Variants in CSGALNACT1 observed in about 807,000 individuals in gnomAD.
CSGALNACT1 encodes the protein beta4GalNAcT-1.
In CSGALNACT1, 52 loss-of-function variants were observed where a neutral mutation model predicts 51.0. The ratio of observed to expected loss-of-function variants is 1.02; its 90% CI spans 0.82 to 1.29. The LOEUF is 1.29. CSGALNACT1 is among the 50% of genes most tolerant of loss of function. The pLI is 0.00. For missense variants in CSGALNACT1, 935 were observed against 679.2 expected (o/e 1.38, Z -4.19); for synonymous variants, 341 against 254.4 (o/e 1.34, Z -3.24).
intron 1 of CSGALNACT1, among the ~76,000 whole-genome samples, chr8:19,636,036 G>A (rs548654774): frequency 6.6e-6 from 1 of 152,238 alleles, no homozygotes. Context: ...ATTTTTCAAA[G>A]GCTTCACACA....
intron 3 of CSGALNACT1, among the ~76,000 whole-genome samples, chr8:19,580,596 C>A (rs1415661042): frequency 2.0e-5 from 3 of 152,104 alleles, no homozygotes; most frequent in Non-Finnish European, 4.4e-5. Context: ...AGAACAGCAT[C>A]CAGAGAGCCT....
rs1564383580 is a variant in CSGALNACT1, at chr8:19,666,829, G to GAA, written c.-544+15643_-544+15644insTT. On this transcript the variant is annotated intron_variant, in intron 1 of 9. Coordinates refer to the CSGALNACT1 transcript ENST00000332246. The stretch of plus-strand genomic sequence containing the variant: ...AAAGAAAGAGAGAGAGAGAGAGAGA[G>GAA]AGAGAAAGAAAGAAAGAAAGAAAGA... Among the ~76,000 whole-genome samples the GAA allele has an allele frequency of 5.3e-3, 186 of 34,894 alleles. 7 individuals are homozygous for GAA. The highest frequency in any genetic ancestry group is 7.6e-3 in the Non-Finnish European group (131 of 17,220). The allele number at this position is 34,894 out of a possible 152,430, so 22.9% of individuals were successfully genotyped here.
chr8:19,600,196 C>T (rs951213485), intron 2 of CSGALNACT1, among the ~76,000 whole-genome samples: 2 of 152,136 alleles, frequency 1.3e-5, no homozygotes, highest in Admixed American at 1.3e-4. Context: ...GATTCTTCTG[C>T]CTCATCTTCC....
At chr8:19,567,843 T>C (rs1461470298) in intron 3 of CSGALNACT1, among the ~76,000 whole-genome samples, 1 of 152,166 alleles carries the variant, frequency 6.6e-6, no homozygotes, top group Non-Finnish European at 1.5e-5. Context: ...TCTATTTTAA[T>C]ATAAGCACAA....
chr8:19,653,257 C>T (rs1269880082), intron 1 of CSGALNACT1, among the ~76,000 whole-genome samples: 1 of 152,146 alleles, frequency 6.6e-6, no homozygotes, highest in Admixed American at 6.5e-5. Context: ...CTCAGTTCTC[C>T]TATCCTTCTA....
At chr8:19,553,620 C>CATATATATATATATATATATAT (rs769189103) in intron 3 of CSGALNACT1, among the ~76,000 whole-genome samples, 14 of 71,558 alleles carry the variant, frequency 2.0e-4, no homozygotes, top group African/African-American at 9.2e-4. Context: ...TATATAAATA[C>CATATATATATATATATATATAT]ATATATATAT....
At chr8:19,533,468 C>T (rs989616452) in intron 3 of CSGALNACT1, among the ~76,000 whole-genome samples, 2 of 152,088 alleles carry the variant, frequency 1.3e-5, no homozygotes, top group Non-Finnish European at 2.9e-5. Flanking sequence ...TTAATTTATG[C>T]TTTTCCAAAT....
At chr8:19,682,592 C>T (rs2060702735), upstream of CSGALNACT1, 2 of 453,782 alleles carry the variant, frequency 4.4e-6, no homozygotes, top group Admixed American at 4.7e-5. Flanking sequence ...AGAGCACTCA[C>T]TGATGTACAC....
chr8:19,739,242 C>G (rs1370525978), intron 1 of CSGALNACT1, among the ~76,000 whole-genome samples: 2 of 151,512 alleles, frequency 1.3e-5, no homozygotes, highest in Non-Finnish European at 2.9e-5. Context: ...TTTTAAGTCA[C>G]AAAAAATAAT....
chr8:19,540,804 T>C (rs1484787915), intron 3 of CSGALNACT1, among the ~76,000 whole-genome samples: 1 of 152,192 alleles, frequency 6.6e-6, no homozygotes, highest in African/African-American at 2.4e-5. Flanking sequence ...CACCGGATCA[T>C]CTTTCTCCCT....
chr8:19,485,933 A>C (rs1361956424), intron 4 of CSGALNACT1, among the ~76,000 whole-genome samples: 3 of 151,052 alleles, frequency 2.0e-5, no homozygotes, highest in Non-Finnish European at 4.4e-5. Context: ...CATCTGGCTA[A>C]TTTTGTATTT....
chr8:19,474,998 G>T (rs1202163740), intron 4 of CSGALNACT1, among the ~76,000 whole-genome samples: 1 of 151,820 alleles, frequency 6.6e-6, no homozygotes, highest in Non-Finnish European at 1.5e-5. Flanking sequence ...CACAGAAACA[G>T]AAGTGAGCAG....
At chr8:19,607,222 T>C (rs1339041130), upstream of CSGALNACT1, among the ~76,000 whole-genome samples, 1 of 151,974 alleles carries the variant, frequency 6.6e-6, no homozygotes, top group Non-Finnish European at 1.5e-5. Flanking sequence ...GTTGAACTGT[T>C]TTCACATTGT....
At chr8:19,484,597 C>A (rs960334834) in intron 4 of CSGALNACT1, among the ~76,000 whole-genome samples, 1 of 152,090 alleles carries the variant, frequency 6.6e-6, no homozygotes, top group East Asian at 1.9e-4. Context: ...AGTCAAGTTG[C>A]CTGGTTGCAG....
At chr8:19,444,758 A>G (rs777642096) in intron 5 of CSGALNACT1, among the ~76,000 whole-genome samples, 9 of 152,204 alleles carry the variant, frequency 5.9e-5, no homozygotes, top group African/African-American at 1.2e-4. Context: ...ACACTTACTT[A>G]GGAAATCAAA....
chr8:19,663,790 C>A (rs1448168537), intron 1 of CSGALNACT1, among the ~76,000 whole-genome samples: 1 of 152,242 alleles, frequency 6.6e-6, no homozygotes, highest in Non-Finnish European at 1.5e-5. Flanking sequence ...GAATCTCAGG[C>A]ATGAGAACAG....
chr8:19,754,684 T>A (rs1043813259), intron 1 of CSGALNACT1, among the ~76,000 whole-genome samples: 2 of 152,250 alleles, frequency 1.3e-5, no homozygotes, highest in African/African-American at 2.4e-5. Context: ...CTAATGCTTT[T>A]GACACAAGGT....
chr8:19,558,100 A>G (rs944523004), intron 3 of CSGALNACT1, among the ~76,000 whole-genome samples: 13 of 152,184 alleles, frequency 8.5e-5, no homozygotes, highest in Admixed American at 3.3e-4. Context: ...GTCTCATCTC[A>G]TTCTAAAATT....
chr8:19,602,226 C>T (rs1357587478), exon 1 of CSGALNACT1: 2 of 185,494 alleles, frequency 1.1e-5, no homozygotes, highest in East Asian at 1.6e-4. Context: ...GCTTCCAATG[C>T]TCTGACAGCG....
Sources: gnomAD v4.1 joint callset for allele counts (sites outside exome capture counted in the v4.1 genomes callset) on GRCh38, gnomAD v4.1.1 for gene constraint, MANE v1.5 for transcripts, NCBI Gene and HGNC (gene_info 2026-07-23, HGNC 2026-07-21) for gene names.